The following KALRN variants were observed in gnomAD, a reference collection of about 807,000 sequenced individuals.
KALRN encodes the protein kalirin.
Under a neutral mutation model 353.7 loss-of-function variants are expected in KALRN, and 70 were observed. The observed-to-expected ratio is 0.20, with a 90% CI of 0.16 to 0.24. The LOEUF (loss-of-function observed/expected upper bound fraction) is 0.24, where lower values mean the gene tolerates loss of function less well. Among genes scored for constraint, KALRN ranks in the 10% least tolerant of loss-of-function variants. The pLI, the probability that KALRN is intolerant of heterozygous loss-of-function variation, is 1.00. For synonymous variants in KALRN, 1,391 were observed against 1,434.8 expected, an observed-to-expected ratio of 0.97 and a Z score of 0.69; for missense variants, 2,791 against 3,756.7, an observed-to-expected ratio of 0.74 and a Z score of 6.72.
chr3:124,303,710 A>C (rs1009737455), intron 6 of KALRN, among the ~76,000 whole-genome samples: 6 of 152,208 alleles, frequency 3.9e-5, no homozygotes, highest in African/African-American at 1.4e-4. Context: ...GACTGTGAGG[A>C]TTCACAGTAG....
At chr3:124,651,049 C>G in intron 38 of KALRN, 111 bp downstream of exon 38, 1 of 1,314,422 alleles carries the variant, frequency 7.6e-7, no homozygotes, top group Non-Finnish European at 1.1e-6. Context: ...CCACTGACAT[C>G]TTTCATTCTA....
intron 37 of KALRN, 72 bp from the exon 38 acceptor site, chr3:124,650,736 C>T: frequency 6.8e-7 from 1 of 1,466,822 alleles, no homozygotes. Flanking sequence ...TGTGGCTAGG[C>T]TGGGAGGACA....
At chr3:124,207,103 C>T (rs997669479) in intron 1 of KALRN, among the ~76,000 whole-genome samples, 2 of 152,230 alleles carry the variant, frequency 1.3e-5, no homozygotes, top group Non-Finnish European at 1.5e-5. Flanking sequence ...TCAGCATCAT[C>T]ATCCAAGGTG....
intron 10 of KALRN, among the ~76,000 whole-genome samples, chr3:124,361,913 T>TTCTTCCTCCTTCTCCTCTTCC (rs2084087732): frequency 6.6e-6 from 1 of 151,888 alleles, no homozygotes; most frequent in East Asian, 1.9e-4. Context: ...TGTAGCCTCT[T>TTCTTCCTCCTTCTCCTCTTCC]TCTTCCTCCT....
intron 1 of KALRN, among the ~76,000 whole-genome samples, chr3:124,113,378 A>T (rs987273597): frequency 6.6e-6 from 1 of 152,166 alleles, no homozygotes; most frequent in African/African-American, 2.4e-5. Flanking sequence ...GGGATGGTGG[A>T]GTGGTTATAA....
chr3:124,646,418 C>A (rs1482801867), intron 37 of KALRN, among the ~76,000 whole-genome samples: 1 of 89,876 alleles, frequency 1.1e-5, no homozygotes, highest in Non-Finnish European at 2.2e-5. Context: ...TGAGACAGAG[C>A]CTTGCTGTGT....
Position 124,054,292 on chromosome 3 carries a change from G to A in KALRN, c.73+20479G>A, listed in dbSNP as rs13096940. Among the ~76,000 whole-genome samples, 494 of 150,246 alleles carry A rather than the reference G, an allele frequency of 3.3e-3. 3 individuals carry two copies. The highest frequency in any genetic ancestry group is 6.8e-3 in the Middle Eastern group (2 of 292). On this transcript the variant is annotated intron_variant, in intron 1 of 59. Coordinates refer to ENST00000682506, the MANE Select transcript of KALRN (RefSeq NM_001388419.1). ...AATCCCAGTACTTTGGGAGGCCAAG[G>A]TGGGAGGATCACTTGAGCCCGGGAG... is the stretch of plus-strand genomic sequence containing the variant.
At chr3:124,286,966 C>A (rs1040540721) in intron 5 of KALRN, among the ~76,000 whole-genome samples, 2 of 152,110 alleles carry the variant, frequency 1.3e-5, no homozygotes, top group African/African-American at 4.8e-5. Flanking sequence ...ATCTTAAAGT[C>A]TTATTCAAGA....
chr3:124,561,358 A>G (rs2071985533), intron 33 of KALRN, among the ~76,000 whole-genome samples: 2 of 152,148 alleles, frequency 1.3e-5, no homozygotes, highest in African/African-American at 2.4e-5. Flanking sequence ...TGGCAGTCCT[A>G]TGGGGACGTG....
intron 13 of KALRN, among the ~76,000 whole-genome samples, chr3:124,401,416 G>C (rs1365167688): frequency 6.6e-6 from 1 of 152,116 alleles, no homozygotes; most frequent in Non-Finnish European, 1.5e-5. Context: ...AAGATGGTAG[G>C]ATCACTTGAG....
chr3:124,612,682 C>A (rs755563107), intron 34 of KALRN, among the ~76,000 whole-genome samples: 8 of 152,020 alleles, frequency 5.3e-5, no homozygotes, highest in Non-Finnish European at 1.0e-4. Flanking sequence ...GGAAATTTTT[C>A]TCATTCATTT....
chr3:124,491,641 G>A (rs963678335), intron 31 of KALRN: 7 of 373,516 alleles, frequency 1.9e-5, no homozygotes, highest in Non-Finnish European at 2.9e-5. Flanking sequence ...ATGCACATGT[G>A]TGACCAAGAG....
chr3:124,182,255 G>T (rs1173585323), intron 1 of KALRN, among the ~76,000 whole-genome samples: 1 of 152,186 alleles, frequency 6.6e-6, no homozygotes, highest in African/African-American at 2.4e-5. Flanking sequence ...CAATTTCTGT[G>T]GTTCAGGAAT....
At chr3:124,207,908 G>T (rs935679523) in intron 1 of KALRN, among the ~76,000 whole-genome samples, 2 of 152,216 alleles carry the variant, frequency 1.3e-5, no homozygotes, top group Non-Finnish European at 2.9e-5. Context: ...GTGGGCTCAT[G>T]TGATGCTTGA....
intron 34 of KALRN, among the ~76,000 whole-genome samples, chr3:124,615,129 A>G (rs1162378830): frequency 1.3e-5 from 2 of 152,238 alleles, no homozygotes; most frequent in African/African-American, 4.8e-5. Context: ...TGTCCCAGTG[A>G]CAGACACTAG....
At chr3:124,709,014 A>T (rs988754550) in intron 57 of KALRN, among the ~76,000 whole-genome samples, 1 of 152,210 alleles carries the variant, frequency 6.6e-6, no homozygotes, top group Non-Finnish European at 1.5e-5. Context: ...GCCACCAAGA[A>T]TTCTAAATCT....
intron 19 of KALRN, among the ~76,000 whole-genome samples, chr3:124,442,884 G>A (rs746642796): frequency 1.4e-4 from 22 of 151,966 alleles, no homozygotes; most frequent in Admixed American, 4.6e-4. Context: ...TCAGGAGGCC[G>A]AGATGGAAGG....
intron 27 of KALRN, among the ~76,000 whole-genome samples, chr3:124,481,633 A>G (rs543390785): frequency 2.8e-4 from 43 of 152,314 alleles, no homozygotes; most frequent in African/African-American, 8.9e-4. Context: ...TTCACTTCTT[A>G]TAGAAGGTGG....
intron 1 of KALRN, among the ~76,000 whole-genome samples, chr3:124,063,414 G>C (rs1279875502): frequency 6.6e-6 from 1 of 152,308 alleles, no homozygotes; most frequent in East Asian, 1.9e-4. Flanking sequence ...TGGTCTCCTC[G>C]GTGGAGGGGT....
Sources: gnomAD v4.1 joint callset for allele counts (sites outside exome capture counted in the v4.1 genomes callset) on GRCh38, gnomAD v4.1.1 for gene constraint, MANE v1.5 for transcripts, NCBI Gene and HGNC (gene_info 2026-07-23, HGNC 2026-07-21) for gene names.